Variants in BLTP3A observed in about 807,000 individuals in gnomAD.
BLTP3A encodes the protein ICBP90 binding protein 1.
chr6:34,805,438 C>T, the BLTP3A span, among the ~76,000 whole-genome samples: 1 of 151,510 alleles, frequency 6.6e-6, no homozygotes, highest in Non-Finnish European at 1.5e-5. Context: ...ACTAAAAATA[C>T]AAACATTAGC....
chr6:34,794,556 T>G, the BLTP3A span, among the ~76,000 whole-genome samples: 1 of 152,202 alleles, frequency 6.6e-6, no homozygotes, highest in African/African-American at 2.4e-5. Context: ...GGAGCAGTTA[T>G]AAACCCCTGA....
the BLTP3A span, chr6:34,856,704 T>G: frequency 6.6e-7 from 1 of 1,514,494 alleles, no homozygotes; most frequent in East Asian, 2.3e-5. Context: ...ATAACATTAA[T>G]GATCTTAGGA....
chr6:34,815,765 C>T, the BLTP3A span, among the ~76,000 whole-genome samples: 50 of 152,224 alleles, frequency 3.3e-4, no homozygotes, highest in African/African-American at 1.1e-3. Context: ...GCCTCAGCCT[C>T]CCAAGTAGCT....
chr6:34,862,403 A>T, the BLTP3A span, among the ~76,000 whole-genome samples: 2 of 152,034 alleles, frequency 1.3e-5, no homozygotes, highest in African/African-American at 4.8e-5. Context: ...ATAAAATAAA[A>T]TAAAAACCAA....
the BLTP3A span, among the ~76,000 whole-genome samples, chr6:34,867,965 A>C: frequency 6.6e-6 from 1 of 152,184 alleles, no homozygotes; most frequent in African/African-American, 2.4e-5. Context: ...GTGAATTTTC[A>C]TTTATAAAAG....
chr6:34,850,143 C>CA, the BLTP3A span, among the ~76,000 whole-genome samples: 1,629 of 114,600 alleles, frequency 0.014, 19 homozygotes, highest in African/African-American at 0.037. Context: ...AACTCGGTCT[C>CA]AAAAAAAAAA....
At chr6:34,832,016 T>C in the BLTP3A span, among the ~76,000 whole-genome samples, 1 of 152,110 alleles carries the variant, frequency 6.6e-6, no homozygotes, top group African/African-American at 2.4e-5. Context: ...GGTTTCACCA[T>C]GTTGGCCAGG....
chr6:34,851,962 A>G, the BLTP3A span, among the ~76,000 whole-genome samples: 8 of 151,900 alleles, frequency 5.3e-5, no homozygotes, highest in East Asian at 1.6e-3. Flanking sequence ...AAGGCCCAAG[A>G]GCTCTTCAGT....
chr6:34,846,197 T>G, the BLTP3A span, among the ~76,000 whole-genome samples: 4 of 147,922 alleles, frequency 2.7e-5, no homozygotes, highest in Non-Finnish European at 6.0e-5. Flanking sequence ...CAGGCTGGAG[T>G]ACTGTGGCGC....
At chr6:34,807,469 C>T in the BLTP3A span, among the ~76,000 whole-genome samples, 1 of 152,188 alleles carries the variant, frequency 6.6e-6, no homozygotes, top group African/African-American at 2.4e-5. Flanking sequence ...ATTATTAGGG[C>T]TTCAGCTAAA....
the BLTP3A span, chr6:34,870,952 C>T: frequency 6.2e-7 from 1 of 1,614,176 alleles, no homozygotes; most frequent in Non-Finnish European, 8.5e-7. Context: ...TGTTCATTCC[C>T]CCCTGGCCTC....
At chr6:34,853,914 T>C in the BLTP3A span, among the ~76,000 whole-genome samples, 2 of 152,154 alleles carry the variant, frequency 1.3e-5, no homozygotes, top group Non-Finnish European at 2.9e-5. Flanking sequence ...CTACAAATAA[T>C]TTTAAGAAAT....
At chr6:34,825,429 T>A in the BLTP3A span, among the ~76,000 whole-genome samples, 3 of 152,168 alleles carry the variant, frequency 2.0e-5, no homozygotes, top group Admixed American at 2.0e-4. Context: ...TGCCTCCGCC[T>A]CCCAGGTAGC....
the BLTP3A span, among the ~76,000 whole-genome samples, chr6:34,831,508 G>T: frequency 7.9e-5 from 12 of 152,156 alleles, no homozygotes; most frequent in Middle Eastern, 3.4e-3. Flanking sequence ...TCCACTTAAT[G>T]GTTAGCAGTT....
chr6:34,837,026 C>A, the BLTP3A span, among the ~76,000 whole-genome samples: 2 of 152,192 alleles, frequency 1.3e-5, no homozygotes, highest in African/African-American at 4.8e-5. Context: ...AAGTTGTTGT[C>A]AGGCTCAAAT....
the BLTP3A span, chr6:34,859,415 G>A: frequency 1.2e-6 from 2 of 1,614,192 alleles, no homozygotes; most frequent in Non-Finnish European, 1.7e-6. Flanking sequence ...GAATTGTCAA[G>A]TGCTATTCAC....
chr6:34,864,022 A>G, the BLTP3A span: 1 of 1,611,596 alleles, frequency 6.2e-7, no homozygotes, highest in South Asian at 1.1e-5. Context: ...GCCAAGACAG[A>G]TGAGGGGGTG....
At chr6:34,858,218 G>A in the BLTP3A span, 15 of 1,614,052 alleles carry the variant, frequency 9.3e-6, no homozygotes, top group East Asian at 4.5e-5. Context: ...ACCAATACAC[G>A]TCATGCTCCA....
At chr6:34,793,923 CAAAA>C in the BLTP3A span, among the ~76,000 whole-genome samples, 6 of 123,502 alleles carry the variant, frequency 4.9e-5, no homozygotes, top group Admixed American at 8.6e-5. Context: ...TTCAAGGGTA[CAAAA>C]AAAAAAAAAA....
Sources: allele counts gnomAD v4.1 joint callset (sites outside exome capture counted in the v4.1 genomes callset), GRCh38; gene constraint gnomAD v4.1.1; transcripts MANE v1.5; gene names NCBI Gene and HGNC (gene_info 2026-07-23, HGNC 2026-07-21).